Variants in FKBP5 observed in about 807,000 individuals in gnomAD.
FKBP5 encodes peptidyl-prolyl cis-trans isomerase FKBP5.
In FKBP5, 23 loss-of-function variants were observed where a neutral mutation model predicts 50.5. The observed-to-expected ratio is 0.46, with a 90% CI of 0.33 to 0.65. The LOEUF (loss-of-function observed/expected upper bound fraction) is 0.65. Among genes scored for constraint, FKBP5 ranks in the 30% least tolerant of loss-of-function variants. The probability of loss-of-function intolerance (pLI) is 0.02; values close to 1 mark genes in which losing one functional copy is unlikely to be tolerated. For synonymous variants in FKBP5, 176 were observed against 190.6 expected (o/e 0.92, Z 0.63); for missense variants, 411 against 553.1 (o/e 0.74, Z 2.58).
chr6:35,717,416 T>C (rs2817031), intron 2 of FKBP5, among the ~76,000 whole-genome samples: 41,312 of 152,166 alleles, frequency 0.27, 5,697 homozygotes, highest in South Asian at 0.34. Flanking sequence ...GTGTGCTCCA[T>C]GTGCACGTGT....
chr6:35,715,665 T>G (rs1766498456), intron 2 of FKBP5, among the ~76,000 whole-genome samples: 1 of 152,218 alleles, frequency 6.6e-6, no homozygotes, highest in African/African-American at 2.4e-5. Context: ...GGCTGGAACT[T>G]AACGTGCAGC....
In FKBP5 at chr6:35,703,019, G is replaced by T. The variant is rs187538917; in HGVS notation, c.-20+17309C>A. 1.1e-3 allele frequency among the ~76,000 whole-genome samples: 166 copies of T among 152,282 alleles called. 2 individuals carry two copies. The highest frequency in any genetic ancestry group is 3.8e-3 in the African/African-American group (160 of 41,564). On this transcript the variant is annotated intron_variant, in intron 2 of 11. Transcript: ENST00000536438. ...AATTTCAGCACTTTGGGAGGCCAAG[G>T]CGGGCAGATCACCTGAGGTCAGGAG...
upstream of FKBP5, among the ~76,000 whole-genome samples, chr6:35,692,899 A>T (rs1160176819): frequency 6.6e-6 from 1 of 151,426 alleles, no homozygotes; most frequent in Non-Finnish European, 1.5e-5. Flanking sequence ...CAATTCTCAG[A>T]CATTATATGT....
At position 35,574,886 on chromosome 6, in the gene FKBP5, A is replaced by C. The variant is rs977953056; in HGVS notation, c.*949T>G. The C allele has an allele frequency of 2.6e-5, 4 of 152,550 alleles. No individual in the cohort carries two copies. Among genetic ancestry groups the C allele is most frequent in the Admixed American group, 2.6e-4 (4 of 15,290 alleles). 9.4% of individuals were successfully genotyped at this position (152,550 alleles called of 1,614,324 possible). On this transcript the variant is annotated 3_prime_UTR_variant, in exon 11 of 11. Transcript: ENST00000357266. ...GTAAATAGATCCACTCCAGGTCAAA[A>C]ATATTGTAAGCACAAGTCTTAAATT...
At chr6:35,677,131 T>A (rs1380558006) in intron 1 of FKBP5, among the ~76,000 whole-genome samples, 1 of 152,220 alleles carries the variant, frequency 6.6e-6, no homozygotes, top group African/African-American at 2.4e-5. Context: ...TGGAGTGCAG[T>A]GGCGCAATCT....
At chr6:35,680,230 A>G (rs1476266012) in intron 1 of FKBP5, among the ~76,000 whole-genome samples, 1 of 152,198 alleles carries the variant, frequency 6.6e-6, no homozygotes, top group Non-Finnish European at 1.5e-5. Flanking sequence ...CAGGAGTTCA[A>G]GACCAGCCTG....
At chr6:35,640,350 A>G (rs1764447891) in intron 2 of FKBP5, among the ~76,000 whole-genome samples, 1 of 152,224 alleles carries the variant, frequency 6.6e-6, no homozygotes, top group South Asian at 2.1e-4. Context: ...GTATCTAAGC[A>G]TATCTCAACA....
intron 3 of FKBP5, among the ~76,000 whole-genome samples, chr6:35,630,400 A>T (rs1222828574): frequency 6.6e-6 from 1 of 151,682 alleles, no homozygotes; most frequent in Non-Finnish European, 1.5e-5. Context: ...TATAAAAATT[A>T]GCCAGGCATG....
chr6:35,666,095 T>C (rs1765206612), intron 1 of FKBP5, among the ~76,000 whole-genome samples: 2 of 152,134 alleles, frequency 1.3e-5, no homozygotes, highest in African/African-American at 2.4e-5. Context: ...GGAACATATA[T>C]ATTACCTAAT....
intron 5 of FKBP5, among the ~76,000 whole-genome samples, chr6:35,605,645 G>T (rs1763290681): frequency 6.6e-6 from 1 of 151,886 alleles, no homozygotes; most frequent in Non-Finnish European, 1.5e-5. Context: ...CAATCCTCCT[G>T]CCTCGGCCTT....
At chr6:35,578,568 A>C (rs1418722488) in intron 9 of FKBP5, among the ~76,000 whole-genome samples, 1 of 152,058 alleles carries the variant, frequency 6.6e-6, no homozygotes, top group African/African-American at 2.4e-5. Flanking sequence ...AGGAATTGGA[A>C]ACCAGCCGGG....
In FKBP5 at chr6:35,659,629, A is replaced by G. The variant is rs1260193446; in HGVS notation, c.-19-16786T>C. On this transcript the variant is annotated intron_variant, in intron 1 of 10. Coordinates refer to ENST00000357266, the MANE Select transcript of FKBP5 (RefSeq NM_004117.4). Reference sequence around the variant, plus strand: ...TTAGGTATTTTGTATCTTTCAAGGAATTTGCACATTTCATCTAGCTGTCTA... The same window carrying G: ...TTAGGTATTTTGTATCTTTCAAGGAGTTTGCACATTTCATCTAGCTGTCTA... 3.5e-5 allele frequency among the ~76,000 whole-genome samples: 3 copies of G among 84,704 alleles called. 1 individual carries two copies. Among genetic ancestry groups the G allele is most frequent in the Non-Finnish European group, 8.2e-5 (3 of 36,642 alleles). 55.6% of individuals were successfully genotyped at this position (84,704 alleles called of 152,430 possible). A position where few individuals can be genotyped will look rare whatever the true frequency, so the allele number is the denominator to read the frequency against.
chr6:35,667,493 C>A (rs1257508373), intron 1 of FKBP5, among the ~76,000 whole-genome samples: 10 of 152,176 alleles, frequency 6.6e-5, no homozygotes, highest in Non-Finnish European at 1.2e-4. Flanking sequence ...AAATGATTAA[C>A]CCGTTTCCTC....
chr6:35,615,958 C>G (rs1763640058), intron 5 of FKBP5, among the ~76,000 whole-genome samples: 1 of 152,160 alleles, frequency 6.6e-6, no homozygotes, highest in Non-Finnish European at 1.5e-5. Context: ...TAACCTCAAT[C>G]TAAAAACATC....
Position 35,707,325 on chromosome 6 carries a change from TC to T in FKBP5, c.-20+13002del, listed in dbSNP as rs374718583. Among the ~76,000 whole-genome samples the T allele has an allele frequency of 1.5e-4, 22 of 150,512 alleles. No individual in the cohort carries two copies. The East Asian group carries it at 4.2e-3, about 29-fold the overall frequency. On this transcript the variant is annotated intron_variant, in intron 2 of 11. Transcript: ENST00000536438. ...TCTGCCTCCCAGTTTCAAGCAATTC[TC>T]CTGCCTCAGCCTCCCGAGTAGCTGG...
intron 2 of FKBP5, among the ~76,000 whole-genome samples, chr6:35,701,243 T>TG (rs1407050098): frequency 2.0e-5 from 3 of 149,746 alleles, no homozygotes; most frequent in Admixed American, 1.3e-4. Context: ...GTTTTTTGTT[T>TG]TTTTGTTTTT....
intron 2 of FKBP5, among the ~76,000 whole-genome samples, chr6:35,716,582 G>T (rs1766515752): frequency 6.6e-6 from 1 of 151,936 alleles, no homozygotes; most frequent in South Asian, 2.1e-4. Flanking sequence ...TATGATTTCT[G>T]TGCCACCCCT....
chr6:35,580,075 C>T lies in FKBP5; in HGVS notation c.987G>A (p.Lys329=). The T allele has an allele frequency of 1.2e-6, 2 of 1,614,208 alleles. No homozygotes were observed. Among genetic ancestry groups the T allele is most frequent in the Non-Finnish European group, 1.7e-6 (2 of 1,180,022 alleles). ...CAACAGCTTTGGTGTATTCTCTAAGCTTCAGGTAGCACATGGCCAGGTTCA... is the reference window on the plus strand; with the variant it reads ...CAACAGCTTTGGTGTATTCTCTAAGTTTCAGGTAGCACATGGCCAGGTTCA... The part of the protein sequence containing the change: ...AFLNLAMCYL[K]LREYTKAVEC... Residue 329 remains lysine (K), a synonymous_variant, in exon 9 of 11, where the codon AAG becomes AAA. Coordinates refer to ENST00000357266, the MANE Select transcript of FKBP5 (RefSeq NM_004117.4).
chr6:35,581,141 T>C, intron 8 of FKBP5: 1 of 980,052 alleles, frequency 1.0e-6, no homozygotes, highest in Non-Finnish European at 1.2e-6. Flanking sequence ...TGTAGTTTGC[T>C]GACCCCTGAT....
Sources: allele counts gnomAD v4.1 joint callset (sites outside exome capture counted in the v4.1 genomes callset), GRCh38; gene constraint gnomAD v4.1.1; transcripts MANE v1.5; gene names NCBI Gene and HGNC (gene_info 2026-07-23, HGNC 2026-07-21).